CALCOCO2: variants seen among roughly 807,000 people sequenced by gnomAD.
CALCOCO2 encodes the protein calcium binding and coiled-coil domain 2, also known as calcium-binding and coiled-coil domain-containing protein 2.
Under a neutral mutation model 62.5 loss-of-function variants are expected in CALCOCO2, and 42 were observed. That is an observed-to-expected ratio of 0.67 (90% CI 0.53 to 0.87). The LOEUF (loss-of-function observed/expected upper bound fraction) is 0.87. Among genes scored for constraint, CALCOCO2 ranks in the 40% least tolerant of loss-of-function variants. The pLI is 0.00. For synonymous variants in CALCOCO2, 167 were observed against 173.0 expected, an observed-to-expected ratio of 0.97 and a Z score of 0.27; for missense variants, 456 against 515.0, an observed-to-expected ratio of 0.89 and a Z score of 1.11.
chr17:48,848,987 G>A (rs149264526), intron 4 of CALCOCO2, among the ~76,000 whole-genome samples: 80 of 152,318 alleles, frequency 5.3e-4, no homozygotes, highest in Middle Eastern at 3.4e-3. Flanking sequence ...AATACTAAGC[G>A]TCTGCAAGAA....
At chr17:48,857,872 G>A (rs1027137658) in intron 10 of CALCOCO2, among the ~76,000 whole-genome samples, 3 of 149,862 alleles carry the variant, frequency 2.0e-5, no homozygotes, top group Non-Finnish European at 3.0e-5. Context: ...AGCTACTCAG[G>A]AGGCTGAGGC....
At chr17:48,840,892 C>A (rs1374422062) in intron 1 of CALCOCO2, among the ~76,000 whole-genome samples, 1 of 152,158 alleles carries the variant, frequency 6.6e-6, no homozygotes, top group Non-Finnish European at 1.5e-5. Flanking sequence ...GTCTCTTAAA[C>A]CCTTTATGCA....
intron 6 of CALCOCO2, 115 bp downstream of exon 6, chr17:48,851,292 A>G: frequency 1.4e-6 from 1 of 705,936 alleles, no homozygotes; most frequent in South Asian, 1.6e-5. Flanking sequence ...GACATTGATG[A>G]TGTGATTCTC....
intron 2 of CALCOCO2, among the ~76,000 whole-genome samples, chr17:48,845,728 C>CAAAAAAA (rs534937285): frequency 6.5e-5 from 7 of 107,794 alleles, no homozygotes; most frequent in Admixed American, 1.1e-4. Flanking sequence ...GACTCCATCT[C>CAAAAAAA]AAAAAAAAAA....
intron 9 of CALCOCO2, among the ~76,000 whole-genome samples, chr17:48,854,302 C>G (rs1178207496): frequency 3.4e-5 from 2 of 58,940 alleles, no homozygotes; most frequent in Admixed American, 3.0e-4. Context: ...GGCGACAGAG[C>G]GAGACTCCGT....
In CALCOCO2 at chr17:48,858,000, A is replaced by AATAGG. The variant is rs2040250219; in HGVS notation, c.1008+1817_1008+1818insGATAG. Among the ~76,000 whole-genome samples the AATAGG allele has an allele frequency of 2.2e-4, 5 of 22,318 alleles. 2 individuals carry two copies. The highest frequency in any genetic ancestry group is 5.5e-4 in the Non-Finnish European group (5 of 9,080). 14.6% of individuals were successfully genotyped at this position (22,318 alleles called of 152,430 possible). On this transcript the variant is annotated intron_variant, in intron 10 of 12. Coordinates refer to ENST00000258947, the MANE Select transcript of CALCOCO2 (RefSeq NM_005831.5). ...AATAGAATAGAATAGAATAGAATAG[A>AATAGG]ATAGAATAGAATAGAATAGAATAGA...
intron 9 of CALCOCO2, among the ~76,000 whole-genome samples, chr17:48,853,631 A>C (rs1388701569): frequency 6.6e-6 from 1 of 152,234 alleles, no homozygotes; most frequent in South Asian, 2.1e-4. Context: ...TTGAGTACCT[A>C]CTGTATCTAA....
At chr17:48,847,492 T>A (rs1389748186) in intron 2 of CALCOCO2, among the ~76,000 whole-genome samples, 1 of 152,172 alleles carries the variant, frequency 6.6e-6, no homozygotes, top group East Asian at 1.9e-4. Context: ...TTTCAAATCC[T>A]TCTAAGACTT....
intron 2 of CALCOCO2, chr17:48,842,149 C>CTTTTCTTTTTTTTTTTTTTTTTTT (rs2039982807): frequency 6.5e-6 from 1 of 153,268 alleles, no homozygotes; most frequent in African/African-American, 3.3e-5. Context: ...TTGCTTTTTT[C>CTTTTCTTTTTTTTTTTTTTTTTTT]TTTTCTTTTT....
At chr17:48,833,600 A>G (rs1204536609) in intron 1 of CALCOCO2, among the ~76,000 whole-genome samples, 1 of 151,914 alleles carries the variant, frequency 6.6e-6, no homozygotes, top group Non-Finnish European at 1.5e-5. Context: ...AAGGAATCCA[A>G]TTAAATTGGG....
chr17:48,832,118 C>A (rs1050207882), intron 1 of CALCOCO2, among the ~76,000 whole-genome samples: 1 of 152,204 alleles, frequency 6.6e-6, no homozygotes, highest in African/African-American at 2.4e-5. Context: ...GCTGACTAGG[C>A]GCGGTGGCTC....
At chr17:48,856,509 T>C (rs1598042901) in intron 10 of CALCOCO2, 1 of 463,334 alleles carries the variant, frequency 2.2e-6, no homozygotes, top group Non-Finnish European at 4.3e-6. Flanking sequence ...ACGTCCTACA[T>C]AACTTTATGC....
At chr17:48,837,908 G>A (rs1266045690) in intron 1 of CALCOCO2, among the ~76,000 whole-genome samples, 3 of 152,098 alleles carry the variant, frequency 2.0e-5, no homozygotes, top group Admixed American at 2.0e-4. Context: ...ATGGTTGTTT[G>A]GGAGGTCTTG....
chr17:48,860,599 C>A (rs1040956422), intron 11 of CALCOCO2, 150 bp downstream of exon 11: 2 of 639,214 alleles, frequency 3.1e-6, no homozygotes, highest in South Asian at 2.0e-5. Context: ...GATTGCCAGG[C>A]GAGAAGTGTT....
chr17:48,838,223 C>T (rs1352174344), intron 1 of CALCOCO2, among the ~76,000 whole-genome samples: 10 of 151,984 alleles, frequency 6.6e-5, no homozygotes, highest in African/African-American at 2.4e-4. Context: ...GTAATTAGAT[C>T]GTCACAAAAC....
chr17:48,862,260 T>C lies in CALCOCO2; in HGVS notation c.1145-16T>C. 4.5e-6 allele frequency: 7 copies of C among 1,547,688 alleles called. No homozygotes were observed. The highest frequency in any genetic ancestry group is 6.3e-6 in the Non-Finnish European group (7 of 1,119,594). ...GGTATTTTCTCATTGAATGAGATCT[T>C]TTTTATTCTTTTCAGGTATCCAAGA... On this transcript the variant is annotated splice_polypyrimidine_tract_variant and intron_variant, in intron 11 of 12. Coordinates refer to ENST00000258947, the MANE Select transcript of CALCOCO2 (RefSeq NM_005831.5).
chr17:48,862,268 C>A lies in CALCOCO2; in HGVS notation c.1145-8C>A. The stretch of plus-strand genomic sequence containing the variant: ...CTCATTGAATGAGATCTTTTTTATT[C>A]TTTTCAGGTATCCAAGAAAGTTCTT... On this transcript the variant is annotated splice_polypyrimidine_tract_variant and splice_region_variant and intron_variant, in intron 11 of 12. Transcript: ENST00000258947. 4 of 1,563,684 alleles carry A rather than the reference C, an allele frequency of 2.6e-6. No individual in the cohort carries two copies. The highest frequency in any genetic ancestry group is 3.5e-6 in the Non-Finnish European group (4 of 1,134,228).
Position 48,853,003 on chromosome 17 carries a change from G to A in CALCOCO2, c.903G>A (p.Gln301=), listed in dbSNP as rs1223853365. 2 of 1,608,478 alleles carry A rather than the reference G, an allele frequency of 1.2e-6. No individual in the cohort carries two copies. Among genetic ancestry groups the A allele is most frequent in the Admixed American group, 1.7e-5 (1 of 59,994 alleles). ...AAACTACTGCAATGAAGAAACAACA[G>A]GAATTAATGGCATGTCTGTCTTTGG... ...QNETTAMKKQ[Q]ELMDENFDLS... The change falls in exon 9 of 13, where the codon CAG becomes CAA. Residue 301 remains glutamine, a synonymous_variant. Coordinates refer to ENST00000258947, the MANE Select transcript of CALCOCO2 (RefSeq NM_005831.5).
At chr17:48,851,464 A>G (rs1410294049) in intron 6 of CALCOCO2, 95 bp from the exon 7 acceptor site, 2 of 769,840 alleles carry the variant, frequency 2.6e-6, no homozygotes, top group Non-Finnish European at 4.6e-6. Flanking sequence ...ATAATTCTGC[A>G]GGCTTAGGGC....
Sources: gnomAD v4.1 joint callset for allele counts (sites outside exome capture counted in the v4.1 genomes callset) on GRCh38, gnomAD v4.1.1 for gene constraint, MANE v1.5 for transcripts, NCBI Gene and HGNC (gene_info 2026-07-23, HGNC 2026-07-21) for gene names.